LUZP2: variants seen among roughly 807,000 people sequenced by gnomAD.
LUZP2 encodes the protein leucine zipper protein 2.
LUZP2 carries 52 observed loss-of-function variants against 51.6 expected under a neutral mutation model. The ratio of observed to expected loss-of-function variants is 1.01; its 90% CI spans 0.81 to 1.27. The LOEUF is 1.27. LUZP2 is among the 50% of genes most tolerant of loss of function. LUZP2 has a pLI of 0.00. For missense variants in LUZP2, 436 were observed against 395.4 expected, an observed-to-expected ratio of 1.10 and a Z score of -0.87; for synonymous variants, 154 against 137.3, an observed-to-expected ratio of 1.12 and a Z score of -0.85.
In LUZP2 at chr11:24,611,908, T is replaced by G. The variant is rs187052493; in HGVS notation, c.62+114603T>G. Reference sequence around the variant, plus strand: ...ACAGGAGATAATATAAATGTAGTCTTGAGTCAGACAATATGTGTTATGCCA... The same window carrying G: ...ACAGGAGATAATATAAATGTAGTCTGGAGTCAGACAATATGTGTTATGCCA... On this transcript the variant is annotated intron_variant, in intron 1 of 11. Transcript: ENST00000336930. The surrounding 1 kb of genome is among the most constrained non-coding windows in gnomAD (Gnocchi z 4.6). Among the ~76,000 whole-genome samples the G allele has an allele frequency of 1.3e-3, 201 of 152,312 alleles. No homozygotes were observed. Among genetic ancestry groups the G allele is most frequent in the Non-Finnish European group, 2.1e-3 (140 of 68,000 alleles).
At chr11:24,863,080 G>A (rs1047362022) in intron 5 of LUZP2, among the ~76,000 whole-genome samples, 7 of 152,142 alleles carry the variant, frequency 4.6e-5, no homozygotes, top group Non-Finnish European at 8.8e-5. Flanking sequence ...TGAGGAAATA[G>A]GAATGTTCAT....
chr11:24,550,516 C>A (rs1472237738), intron 1 of LUZP2, among the ~76,000 whole-genome samples: 2 of 152,060 alleles, frequency 1.3e-5, no homozygotes, highest in South Asian at 2.1e-4. Flanking sequence ...GAATGTAAAC[C>A]AGATGGCCAG....
chr11:25,024,746 A>G (rs922123818), intron 9 of LUZP2, among the ~76,000 whole-genome samples: 8 of 151,302 alleles, frequency 5.3e-5, no homozygotes, highest in African/African-American at 2.0e-4. Flanking sequence ...ATTCAATGCC[A>G]TCCCCGTCAA....
intron 7 of LUZP2, among the ~76,000 whole-genome samples, chr11:24,923,355 T>C (rs1026426993): frequency 3.3e-5 from 5 of 152,070 alleles, no homozygotes; most frequent in Admixed American, 6.6e-5. Flanking sequence ...ACTTGAAAAC[T>C]GAGTCTCTCC....
chr11:24,922,347 A>C (rs541759419), intron 7 of LUZP2, among the ~76,000 whole-genome samples: 1 of 152,250 alleles, frequency 6.6e-6, no homozygotes, highest in South Asian at 2.1e-4. Flanking sequence ...TTGCAACCTG[A>C]ATTTCCATGT....
chr11:24,702,824 T>G (rs573702780), intron 1 of LUZP2, among the ~76,000 whole-genome samples: 60 of 152,340 alleles, frequency 3.9e-4, no homozygotes, highest in South Asian at 2.3e-3. Context: ...CCAATCGGTT[T>G]ATATCAGTAT....
intron 5 of LUZP2, among the ~76,000 whole-genome samples, chr11:24,766,238 T>A (rs1038325777): frequency 3.5e-4 from 54 of 152,274 alleles, no homozygotes; most frequent in East Asian, 9.7e-4. Flanking sequence ...TATTTTTTTT[T>A]ATGAAATATT....
intron 5 of LUZP2, among the ~76,000 whole-genome samples, chr11:24,874,433 A>G (rs924836658): frequency 5.3e-5 from 8 of 152,180 alleles, no homozygotes; most frequent in Admixed American, 2.6e-4. Flanking sequence ...ACAGTGGCTC[A>G]GAGTCAGGTG....
At chr11:24,565,580 A>G (rs1442532231) in intron 1 of LUZP2, among the ~76,000 whole-genome samples, 1 of 152,190 alleles carries the variant, frequency 6.6e-6, no homozygotes, top group Admixed American at 6.5e-5. Context: ...TCACATATGT[A>G]ATAAAATCTA....
chr11:24,714,580 C>T (rs1216610432), intron 1 of LUZP2, among the ~76,000 whole-genome samples: 2 of 152,130 alleles, frequency 1.3e-5, no homozygotes, highest in Non-Finnish European at 2.9e-5. Context: ...TAAAAATCTT[C>T]ATCAGCATGG....
intron 5 of LUZP2, among the ~76,000 whole-genome samples, chr11:24,840,982 A>G (rs1014840780): frequency 3.9e-5 from 6 of 152,062 alleles, no homozygotes; most frequent in African/African-American, 1.4e-4. Context: ...TTATTTATTT[A>G]AAATTAATCA....
At chr11:24,627,778 C>T (rs1257634606) in intron 1 of LUZP2, among the ~76,000 whole-genome samples, 2 of 152,146 alleles carry the variant, frequency 1.3e-5, no homozygotes, top group African/African-American at 4.8e-5. Context: ...CTTACAAGGT[C>T]ATGCCACATA....
chr11:25,001,606 C>G (rs746848384), intron 9 of LUZP2, among the ~76,000 whole-genome samples: 6 of 152,158 alleles, frequency 3.9e-5, no homozygotes, highest in African/African-American at 1.4e-4. Flanking sequence ...ACAGAGAAGA[C>G]CTTCAATTAT....
intron 1 of LUZP2, among the ~76,000 whole-genome samples, chr11:24,543,895 T>C (rs1363561581): frequency 6.6e-6 from 1 of 150,754 alleles, no homozygotes; most frequent in Non-Finnish European, 1.5e-5. Context: ...TTAGGTATTG[T>C]TAAAGTGTTT....
intron 5 of LUZP2, among the ~76,000 whole-genome samples, chr11:24,858,924 A>G (rs916686345): frequency 6.6e-6 from 1 of 152,222 alleles, no homozygotes; most frequent in Non-Finnish European, 1.5e-5. Flanking sequence ...GAGATAGAAC[A>G]CATTTAATCA....
In LUZP2 at chr11:24,983,161, G is replaced by T; in HGVS notation, c.633G>T (p.Gln211His). The T allele has an allele frequency of 6.2e-7, 1 of 1,612,174 alleles. No individual in the cohort carries two copies. Among genetic ancestry groups the T allele is most frequent in the South Asian group, 1.1e-5 (1 of 91,018 alleles). ...SQMKAMKETV[Q>H]LCLTSVFRDQ... ...TGAAAGCAATGAAAGAGACTGTGCA[G>T]CTCTGCTTGACATCTGTTTTCCGTG... The change falls in exon 9 of 12, where the codon CAG becomes CAT. Residue 211 changes from glutamine (Q) to histidine (H), a missense_variant. Coordinates refer to ENST00000336930, the MANE Select transcript of LUZP2 (RefSeq NM_001009909.4).
intron 1 of LUZP2, among the ~76,000 whole-genome samples, chr11:24,685,333 C>T (rs1188149404): frequency 1.3e-5 from 2 of 152,128 alleles, no homozygotes; most frequent in African/African-American, 4.8e-5. Flanking sequence ...CTACCTGCAA[C>T]TAAAAACCAA....
chr11:24,623,449 T>C (rs951805844), intron 1 of LUZP2, among the ~76,000 whole-genome samples: 3 of 152,216 alleles, frequency 2.0e-5, no homozygotes, highest in African/African-American at 7.2e-5. Flanking sequence ...AATGGAATTT[T>C]GCAGGCTTTT....
At chr11:24,575,077 C>G (rs1852599133) in intron 1 of LUZP2, among the ~76,000 whole-genome samples, 1 of 152,034 alleles carries the variant, frequency 6.6e-6, no homozygotes, top group African/African-American at 2.4e-5. Flanking sequence ...ACTTTTCTTT[C>G]CATTATTCTC....
Sources: allele counts gnomAD v4.1 joint callset (sites outside exome capture counted in the v4.1 genomes callset), GRCh38; gene constraint gnomAD v4.1.1; non-coding constraint Gnocchi (gnomAD v3.1); transcripts MANE v1.5; gene names NCBI Gene and HGNC (gene_info 2026-07-23, HGNC 2026-07-21).